Variants in CFAP144 observed in about 807,000 individuals in gnomAD.
CFAP144 encodes cilia and flagella associated protein 144, also known as cilia- and flagella-associated protein 144.
chr1:43,154,054 A>G, the CFAP144 span, among the ~76,000 whole-genome samples: 1,797 of 73,520 alleles, frequency 0.024, 26 homozygotes, highest in Admixed American at 0.039. Context: ...CTCTTTATAT[A>G]TGTGTGTGTA....
At chr1:43,149,837 G>A in the CFAP144 span, among the ~76,000 whole-genome samples, 2 of 152,102 alleles carry the variant, frequency 1.3e-5, no homozygotes, top group East Asian at 1.9e-4. Flanking sequence ...TTTTAAGGGC[G>A]CATGCTCTAA....
At chr1:43,148,232 CTT>C in the CFAP144 span, 2 of 773,346 alleles carry the variant, frequency 2.6e-6, no homozygotes, top group Non-Finnish European at 4.1e-6. Context: ...GGAACCATGA[CTT>C]TGGAGAGGCC....
the CFAP144 span, chr1:43,152,999 T>C: frequency 3.9e-6 from 6 of 1,540,034 alleles, no homozygotes; most frequent in Non-Finnish European, 4.4e-6. Context: ...GACCGTAGAA[T>C]AGAGCAGGGG....
the CFAP144 span, chr1:43,150,967 A>C: frequency 9.0e-5 from 57 of 635,764 alleles, no homozygotes; most frequent in Middle Eastern, 3.5e-4. Context: ...AACCAAGCTC[A>C]AAAAAGACGG....
the CFAP144 span, chr1:43,147,848 TGTTGCCTGGAGACCACGGGACGCC>T: frequency 1.3e-6 from 2 of 1,549,556 alleles, no homozygotes; most frequent in African/African-American, 1.4e-5. Context: ...ACCCGAGCGC[TGTTGCCTGGAGACCACGGGACGCC>T]GTTGCCTGGA....
the CFAP144 span, chr1:43,152,976 C>A: frequency 2.7e-5 from 43 of 1,577,042 alleles, no homozygotes; most frequent in African/African-American, 4.0e-5. Context: ...AACACAGCAG[C>A]AATGTAAGTG....
the CFAP144 span, chr1:43,147,864 C>T: frequency 1.1e-5 from 17 of 1,563,212 alleles, no homozygotes; most frequent in South Asian, 2.0e-4. Flanking sequence ...CTGGAGACCA[C>T]GGGACGCCGT....
At chr1:43,155,239 TAGA>T in the CFAP144 span, among the ~76,000 whole-genome samples, 1 of 152,224 alleles carries the variant, frequency 6.6e-6, no homozygotes, top group African/African-American at 2.4e-5. Context: ...TGAAGCAACT[TAGA>T]AGAATAGTAC....
At chr1:43,155,991 C>T in the CFAP144 span, among the ~76,000 whole-genome samples, 2 of 152,212 alleles carry the variant, frequency 1.3e-5, no homozygotes, top group Non-Finnish European at 2.9e-5. Context: ...TGTGGCCTCC[C>T]AGTCAGGCAG....
At chr1:43,147,813 A>G in the CFAP144 span, 2 of 1,504,934 alleles carry the variant, frequency 1.3e-6, no homozygotes, top group Admixed American at 2.6e-5. Context: ...TGGCAGAGTG[A>G]GACCCGCCCC....
At chr1:43,152,126 G>A in the CFAP144 span, among the ~76,000 whole-genome samples, 8 of 152,148 alleles carry the variant, frequency 5.3e-5, no homozygotes, top group East Asian at 3.9e-4. Context: ...CCAACAAGCC[G>A]GTAGTAGCAC....
the CFAP144 span, among the ~76,000 whole-genome samples, chr1:43,154,549 G>A: frequency 2.6e-5 from 4 of 151,800 alleles, no homozygotes; most frequent in East Asian, 3.9e-4. Context: ...AGGTAACATC[G>A]TGAATAAGAG....
chr1:43,152,755 C>T, the CFAP144 span: 604 of 1,435,662 alleles, frequency 4.2e-4, 2 homozygotes, highest in African/African-American at 5.9e-3. Flanking sequence ...ACAATGTGGA[C>T]GCAGGAAAGG....
chr1:43,149,735 C>T, the CFAP144 span, among the ~76,000 whole-genome samples: 1 of 152,248 alleles, frequency 6.6e-6, no homozygotes, highest in Non-Finnish European at 1.5e-5. Flanking sequence ...GAAAATATTA[C>T]AACTTGTATT....
At chr1:43,151,525 G>A in the CFAP144 span, among the ~76,000 whole-genome samples, 1 of 152,160 alleles carries the variant, frequency 6.6e-6, no homozygotes, top group Non-Finnish European at 1.5e-5. Context: ...GCGACCACAG[G>A]GTGAGGTGGA....
the CFAP144 span, among the ~76,000 whole-genome samples, chr1:43,154,426 A>C: frequency 4.0e-5 from 6 of 148,420 alleles, no homozygotes; most frequent in Non-Finnish European, 8.9e-5. Flanking sequence ...ACATATACAC[A>C]CACATATATG....
chr1:43,145,851 T>A, the CFAP144 span, among the ~76,000 whole-genome samples: 1 of 152,198 alleles, frequency 6.6e-6, no homozygotes, highest in Non-Finnish European at 1.5e-5. Flanking sequence ...ATTATGGTAA[T>A]TAAGATAGTG....
the CFAP144 span, among the ~76,000 whole-genome samples, chr1:43,149,302 CT>C: frequency 8.5e-5 from 13 of 152,234 alleles, no homozygotes; most frequent in Admixed American, 8.5e-4. Flanking sequence ...TTAAGAAATA[CT>C]TTGGTGCCTA....
the CFAP144 span, chr1:43,147,799 G>T: frequency 6.7e-7 from 1 of 1,493,148 alleles, no homozygotes. Context: ...GCAGGGTAAG[G>T]GGCTGGCAGA....
Sources: gnomAD v4.1 joint callset for allele counts (sites outside exome capture counted in the v4.1 genomes callset) on GRCh38, gnomAD v4.1.1 for gene constraint, MANE v1.5 for transcripts, NCBI Gene and HGNC (gene_info 2026-07-23, HGNC 2026-07-21) for gene names.